HPSE2: variants seen among roughly 807,000 people sequenced by gnomAD.
HPSE2 encodes the protein heparanase 2 (inactive).
HPSE2 carries 38 observed loss-of-function variants against 60.5 expected under a neutral mutation model. The ratio of observed to expected loss-of-function variants is 0.63; its 90% CI spans 0.48 to 0.82. The LOEUF is 0.82. Ranked by LOEUF, HPSE2 falls within the 40% of genes least tolerant of loss-of-function variation. HPSE2 has a pLI of 0.00. For synonymous variants in HPSE2, 295 were observed against 293.2 expected, an observed-to-expected ratio of 1.01 and a Z score of -0.06; for missense variants, 713 against 740.4, an observed-to-expected ratio of 0.96 and a Z score of 0.43.
At chr10:98,515,449 A>C (rs1248760822) in intron 9 of HPSE2, among the ~76,000 whole-genome samples, 2 of 152,206 alleles carry the variant, frequency 1.3e-5, no homozygotes, top group African/African-American at 4.8e-5. Context: ...TGTAGATCCA[A>C]CTATGGATAC....
At chr10:99,147,811 A>G (rs575895804) in intron 2 of HPSE2, among the ~76,000 whole-genome samples, 27 of 152,336 alleles carry the variant, frequency 1.8e-4, no homozygotes, top group African/African-American at 6.0e-4. Flanking sequence ...GCACATGGTA[A>G]TATATCTGGA....
intron 3 of HPSE2, among the ~76,000 whole-genome samples, chr10:98,868,537 G>T (rs1183872105): frequency 6.6e-6 from 1 of 152,128 alleles, no homozygotes; most frequent in African/African-American, 2.4e-5. Flanking sequence ...GTAAATGCTT[G>T]AGGGGATCGA....
rs555415658 is a variant in HPSE2, at chr10:98,772,364, C to G, written c.611-28308G>C. The stretch of plus-strand genomic sequence containing the variant: ...GAGGATGGTTGCCCCAATCAAGAGT[C>G]CTGATCCTTTGCTAGTTAGTCCCTG... On this transcript the variant is annotated intron_variant, in intron 3 of 11. Transcript: ENST00000370552. 2.1e-4 allele frequency among the ~76,000 whole-genome samples: 32 copies of G among 152,254 alleles called. No homozygotes were observed. In the South Asian group the frequency reaches 6.6e-3, roughly 32 times the overall value.
Position 99,192,370 on chromosome 10 carries a change from G to A in HPSE2, c.448+39978C>T, listed in dbSNP as rs142169909. ...AAAAGCAGCAAGAGAAAAGAAACCG[G>A]TAACAAAGGAGCTCCAATACATCTG... On this transcript the variant is annotated intron_variant, in intron 2 of 11. Coordinates refer to ENST00000370552, the MANE Select transcript of HPSE2 (RefSeq NM_021828.5). Among the ~76,000 whole-genome samples the A allele has an allele frequency of 2.3e-4, 35 of 152,272 alleles. No homozygotes were observed. In the East Asian group the frequency reaches 6.6e-3, roughly 29 times the overall value.
At chr10:99,112,734 A>G (rs1345240321) in intron 3 of HPSE2, among the ~76,000 whole-genome samples, 10 of 152,202 alleles carry the variant, frequency 6.6e-5, no homozygotes, top group Non-Finnish European at 1.5e-5. Flanking sequence ...CTTCATACTA[A>G]GAAAAATGAA....
At chr10:99,213,296 G>C (rs1259062767) in intron 2 of HPSE2, among the ~76,000 whole-genome samples, 1 of 151,628 alleles carries the variant, frequency 6.6e-6, no homozygotes, top group South Asian at 2.1e-4. Flanking sequence ...ACTTGAACAA[G>C]AAGAAAAAAA....
At chr10:98,471,137 C>A (rs2133606702) in intron 11 of HPSE2, among the ~76,000 whole-genome samples, 1 of 152,278 alleles carries the variant, frequency 6.6e-6, no homozygotes, top group Non-Finnish European at 1.5e-5. Context: ...ACACCTTTGG[C>A]AAAATGGCAT....
intron 2 of HPSE2, among the ~76,000 whole-genome samples, chr10:99,220,694 T>TC (rs1020400392): frequency 1.3e-5 from 2 of 151,302 alleles, no homozygotes; most frequent in Admixed American, 6.6e-5. Flanking sequence ...TCCCACCTAC[T>TC]CCAGAGGCTG....
At chr10:99,241,203 CA>C in the HPSE2 span, among the ~76,000 whole-genome samples, 1 of 152,298 alleles carries the variant, frequency 6.6e-6, no homozygotes, top group Admixed American at 6.5e-5. Flanking sequence ...TTAGTCAACA[CA>C]AGTGGCTAAA....
At chr10:99,221,745 A>G (rs780476033) in intron 2 of HPSE2, among the ~76,000 whole-genome samples, 11 of 152,162 alleles carry the variant, frequency 7.2e-5, no homozygotes, top group Non-Finnish European at 1.6e-4. Context: ...GTAGAAGTAG[A>G]GTAACAAGCT....
At chr10:98,558,757 T>C (rs994534095) in intron 9 of HPSE2, among the ~76,000 whole-genome samples, 1 of 152,252 alleles carries the variant, frequency 6.6e-6, no homozygotes, top group Admixed American at 6.5e-5. Context: ...ACATGTGTCA[T>C]GTTTCAACAA....
chr10:98,791,805 A>G (rs921770166), intron 3 of HPSE2, among the ~76,000 whole-genome samples: 3 of 152,210 alleles, frequency 2.0e-5, no homozygotes, highest in Admixed American at 2.0e-4. Flanking sequence ...GCTAGAGAGA[A>G]ACAGAGCCAT....
chr10:99,265,831 G>A, the HPSE2 span, among the ~76,000 whole-genome samples: 1 of 152,208 alleles, frequency 6.6e-6, no homozygotes, highest in Non-Finnish European at 1.5e-5. Context: ...GTGAAAGGGG[G>A]ATTGTCCACG....
the HPSE2 span, among the ~76,000 whole-genome samples, chr10:99,284,536 T>A: frequency 6.6e-6 from 1 of 152,156 alleles, no homozygotes; most frequent in African/African-American, 2.4e-5. Context: ...AGTTTCTTAA[T>A]CTTAGAAGAA....
At chr10:98,621,630 G>A (rs557404611) in intron 7 of HPSE2, among the ~76,000 whole-genome samples, 1 of 152,350 alleles carries the variant, frequency 6.6e-6, no homozygotes, top group African/African-American at 2.4e-5. Context: ...CAAAAACTCA[G>A]TCTCACAGGG....
rs1354008666 is a variant in HPSE2, at chr10:98,603,248, T to G, written c.1320+11656A>C. On this transcript the variant is annotated intron_variant, in intron 9 of 11. Transcript: ENST00000370552. The stretch of plus-strand genomic sequence containing the variant: ...CTGTGACTGTGCTGGAGGCTCAGTG[T>G]GGACAAGTTTGAGAGTTTGCAACTC... 1.1e-4 allele frequency among the ~76,000 whole-genome samples: 16 copies of G among 152,068 alleles called. 1 individual carries two copies. Among genetic ancestry groups the G allele is most frequent in the African/African-American group, 4.8e-5 (2 of 41,428 alleles).
chr10:98,806,422 C>T (rs1951042591), intron 3 of HPSE2, among the ~76,000 whole-genome samples: 1 of 152,144 alleles, frequency 6.6e-6, no homozygotes, highest in Non-Finnish European at 1.5e-5. Flanking sequence ...AATACCACTA[C>T]CCAGGGAGCT....
chr10:99,168,607 C>T (rs1045924435), intron 2 of HPSE2, among the ~76,000 whole-genome samples: 1 of 152,122 alleles, frequency 6.6e-6, no homozygotes, highest in African/African-American at 2.4e-5. Flanking sequence ...GGTAGGCTAT[C>T]TTTCTTAGCT....
chr10:98,731,257 C>A (rs556778570), intron 4 of HPSE2, among the ~76,000 whole-genome samples: 1 of 152,054 alleles, frequency 6.6e-6, no homozygotes, highest in East Asian at 1.9e-4. Flanking sequence ...CCAGTCTGGG[C>A]GACAGAGTGA....
Sources: allele counts gnomAD v4.1 joint callset (sites outside exome capture counted in the v4.1 genomes callset), GRCh38; gene constraint gnomAD v4.1.1; transcripts MANE v1.5; gene names NCBI Gene and HGNC (gene_info 2026-07-23, HGNC 2026-07-21).